Variants in AKAP6 observed in about 807,000 individuals in gnomAD.
AKAP6 encodes the protein A-kinase anchoring protein 6.
AKAP6 carries 58 observed loss-of-function variants against 188.5 expected under a neutral mutation model. The observed-to-expected ratio is 0.31, with a 90% confidence interval of 0.25 to 0.38. AKAP6 has a LOEUF of 0.38. Among genes scored for constraint, AKAP6 ranks in the 10% least tolerant of loss-of-function variants. The pLI is 1.00. For synonymous variants in AKAP6, 989 were observed against 998.6 expected (o/e 0.99, Z 0.18); for missense variants, 2,710 against 2,740.0 (o/e 0.99, Z 0.24).
At chr14:32,653,526 A>T (rs1888317673) in intron 7 of AKAP6, among the ~76,000 whole-genome samples, 1 of 151,960 alleles carries the variant, frequency 6.6e-6, no homozygotes, top group Non-Finnish European at 1.5e-5. Flanking sequence ...TTCCACCATG[A>T]TTGTAAGTTT....
intron 13 of AKAP6, among the ~76,000 whole-genome samples, chr14:32,826,622 G>C (rs2034680222): frequency 6.6e-6 from 1 of 152,180 alleles, no homozygotes; most frequent in Non-Finnish European, 1.5e-5. Flanking sequence ...AGAAGCTCTG[G>C]CACTGGAGAA....
chr14:32,533,262 G>A (rs1449550504), intron 2 of AKAP6, among the ~76,000 whole-genome samples: 2 of 152,188 alleles, frequency 1.3e-5, no homozygotes, highest in African/African-American at 4.8e-5. Flanking sequence ...GTAGGTAACA[G>A]CAATGAGGGA....
At chr14:32,587,311 T>A (rs1262702098) in intron 5 of AKAP6, among the ~76,000 whole-genome samples, 1 of 152,134 alleles carries the variant, frequency 6.6e-6, no homozygotes, top group Non-Finnish European at 1.5e-5. Context: ...TTAAAAAGTA[T>A]TCTGGGGTTC....
chr14:32,339,560 T>C (rs1224530861), intron 1 of AKAP6, among the ~76,000 whole-genome samples: 1 of 152,196 alleles, frequency 6.6e-6, no homozygotes, highest in African/African-American at 2.4e-5. Context: ...TTCCTTTCTC[T>C]CTTTAGTGAA....
chr14:32,587,489 C>T (rs1885304484), intron 5 of AKAP6, among the ~76,000 whole-genome samples: 1 of 152,000 alleles, frequency 6.6e-6, no homozygotes, highest in African/African-American at 2.4e-5. Context: ...CTTACTTAGA[C>T]TAGGAAGGAA....
At chr14:32,417,991 T>G (rs1889718125) in intron 1 of AKAP6, 1 of 152,150 alleles carries the variant, frequency 6.6e-6, no homozygotes, top group South Asian at 2.1e-4. Flanking sequence ...ACGGAACTAT[T>G]AACAATGATA....
At chr14:32,489,410 A>G (rs993774387) in intron 2 of AKAP6, among the ~76,000 whole-genome samples, 2 of 152,092 alleles carry the variant, frequency 1.3e-5, no homozygotes, top group Non-Finnish European at 2.9e-5. Context: ...ATGTCTCTCT[A>G]TGTTGCCTAG....
chr14:32,432,437 T>C (rs1201245220), intron 1 of AKAP6, among the ~76,000 whole-genome samples: 1 of 152,222 alleles, frequency 6.6e-6, no homozygotes, highest in Non-Finnish European at 1.5e-5. Context: ...TTTTAACTTA[T>C]TTGGTTAATA....
At chr14:32,775,321 T>C (rs769206939) in intron 12 of AKAP6, among the ~76,000 whole-genome samples, 1 of 152,198 alleles carries the variant, frequency 6.6e-6, no homozygotes, top group Non-Finnish European at 1.5e-5. Flanking sequence ...TTTTGAAGCA[T>C]TCAAACTGCT....
chr14:32,684,297 A>ATAG (rs2139658154), intron 8 of AKAP6, among the ~76,000 whole-genome samples: 2 of 152,308 alleles, frequency 1.3e-5, no homozygotes, highest in South Asian at 4.1e-4. Context: ...AGGAATGCTT[A>ATAG]TTTTAAAACT....
At chr14:32,621,429 A>G (rs1233073686) in intron 7 of AKAP6, among the ~76,000 whole-genome samples, 1 of 152,048 alleles carries the variant, frequency 6.6e-6, no homozygotes, top group South Asian at 2.1e-4. Context: ...TTTTATTGTT[A>G]ACCCAAAAAT....
At chr14:32,376,497 C>G (rs149010894) in intron 1 of AKAP6, among the ~76,000 whole-genome samples, 37 of 152,146 alleles carry the variant, frequency 2.4e-4, no homozygotes, top group African/African-American at 7.9e-4. Flanking sequence ...CAGTGCCTTT[C>G]ATATAATAAA....
At chr14:32,701,900 T>A (rs1890634234) in intron 9 of AKAP6, among the ~76,000 whole-genome samples, 1 of 152,116 alleles carries the variant, frequency 6.6e-6, no homozygotes, top group South Asian at 2.1e-4. Context: ...AGAAGACAAT[T>A]CATTAACTTT....
intron 1 of AKAP6, among the ~76,000 whole-genome samples, chr14:32,389,820 A>C (rs772455908): frequency 2.0e-5 from 3 of 152,058 alleles, no homozygotes; most frequent in Non-Finnish European, 4.4e-5. Context: ...AAGACAATGT[A>C]CCTAGGCAAT....
At chr14:32,449,058 G>T (rs907853355) in intron 2 of AKAP6, among the ~76,000 whole-genome samples, 2 of 152,154 alleles carry the variant, frequency 1.3e-5, no homozygotes, top group African/African-American at 4.8e-5. Flanking sequence ...AGATGAGATT[G>T]CAGGAGAGAT....
Position 32,726,955 on chromosome 14 carries a change from C to A in AKAP6, c.3001-5499C>A, listed in dbSNP as rs369095370. On this transcript the variant is annotated intron_variant, in intron 9 of 13. Transcript: ENST00000280979. ...AACAGTGGGACTGCTGGGAATATGA[C>A]TGTTTTTGGTAGTAGTGGATATGCC... Among the ~76,000 whole-genome samples the A allele has an allele frequency of 2.5e-4, 38 of 152,198 alleles. 2 individuals carry two copies. In the South Asian group the frequency reaches 7.3e-3, roughly 29 times the overall value.
chr14:32,455,532 T>C (rs1213688058), intron 2 of AKAP6, among the ~76,000 whole-genome samples: 4 of 152,230 alleles, frequency 2.6e-5, no homozygotes, highest in African/African-American at 9.6e-5. Context: ...GATTTGGATG[T>C]GAGAATTATC....
chr14:32,552,837 G>A (rs977163994), intron 4 of AKAP6, among the ~76,000 whole-genome samples: 1 of 152,228 alleles, frequency 6.6e-6, no homozygotes, highest in African/African-American at 2.4e-5. Flanking sequence ...GGGAGGGTAT[G>A]TGGAACTCAT....
intron 11 of AKAP6, among the ~76,000 whole-genome samples, chr14:32,761,476 G>C (rs2032535569): frequency 6.6e-6 from 1 of 152,164 alleles, no homozygotes; most frequent in African/African-American, 2.4e-5. Context: ...GAAAAATAAG[G>C]CTTGCTAGAG....
Sources: gnomAD v4.1 joint callset for allele counts (sites outside exome capture counted in the v4.1 genomes callset) on GRCh38, gnomAD v4.1.1 for gene constraint, MANE v1.5 for transcripts, NCBI Gene and HGNC (gene_info 2026-07-23, HGNC 2026-07-21) for gene names.